The following PPP3CA variants were observed in gnomAD, a reference collection of about 807,000 sequenced individuals.
The protein encoded by PPP3CA is CAM-PRP catalytic subunit.
A neutral mutation model predicts 66.5 loss-of-function variants in PPP3CA; 14 were observed. The ratio of observed to expected loss-of-function variants is 0.21; its 90% CI spans 0.14 to 0.33. The LOEUF (loss-of-function observed/expected upper bound fraction) is 0.33. PPP3CA is among the 10% of genes least tolerant of loss of function. PPP3CA has a pLI of 1.00. For missense variants in PPP3CA, 317 were observed against 639.5 expected (o/e 0.50, Z 5.44); for synonymous variants, 232 against 226.2 (o/e 1.03, Z -0.23).
chr4:101,023,733 CTTTG>C lies in PPP3CA; in HGVS notation c.*2128_*2131del, dbSNP rs527760666. On this transcript the variant is annotated 3_prime_UTR_variant, in exon 14 of 14. Transcript: ENST00000394854. ...CTTTGCCAGACTGTATCGAGAACAT[CTTTG>C]TTTGGGTATGCTATATCGCTAATTG... The C allele has an allele frequency of 2.0e-4, 31 of 152,708 alleles. No homozygotes were observed. The East Asian group carries it at 2.7e-3, about 13-fold the overall frequency. The allele number at this position is 152,708 out of a possible 1,614,324, so 9.5% of individuals were successfully genotyped here.
At position 101,278,122 on chromosome 4, in the gene PPP3CA, T is replaced by TAAAAAAAAAAAAAAA. The variant is rs3077992; in HGVS notation, c.58+68602_58+68616dup. ...AAAATGAAACTTTAAAAGCTATTAG[T>TAAAAAAAAAAAAAAA]AAAAAAAAAAAAAAAAATAAAAAAA... On this transcript the variant is annotated intron_variant, in intron 1 of 13. Transcript: ENST00000394854. 1.1e-3 allele frequency among the ~76,000 whole-genome samples: 128 copies of TAAAAAAAAAAAAAAA among 112,056 alleles called. 3 individuals are homozygous for TAAAAAAAAAAAAAAA. The highest frequency in any genetic ancestry group is 3.6e-3 in the African/African-American group (82 of 22,604). 73.5% of individuals were successfully genotyped at this position (112,056 alleles called of 152,430 possible). A position where few individuals can be genotyped will look rare whatever the true frequency, so the allele number is the denominator to read the frequency against.
chr4:101,102,118 T>A (rs545849495), intron 3 of PPP3CA, among the ~76,000 whole-genome samples: 1 of 152,282 alleles, frequency 6.6e-6, no homozygotes, highest in Non-Finnish European at 1.5e-5. Flanking sequence ...ACCTTTTAAA[T>A]GATGCAACAT....
intron 2 of PPP3CA, among the ~76,000 whole-genome samples, chr4:101,171,609 G>C (rs1352802097): frequency 6.6e-6 from 1 of 152,064 alleles, no homozygotes; most frequent in Admixed American, 6.6e-5. Context: ...CTCATGTAAA[G>C]TCCCAAAGCC....
chr4:101,192,715 A>G (rs769003529), intron 2 of PPP3CA, among the ~76,000 whole-genome samples: 1 of 152,156 alleles, frequency 6.6e-6, no homozygotes, highest in African/African-American at 2.4e-5. Context: ...TAATCTGTCA[A>G]TACTTTCTTG....
chr4:101,324,108 G>GAAAGA (rs1452492024), intron 1 of PPP3CA, among the ~76,000 whole-genome samples: 9 of 142,928 alleles, frequency 6.3e-5, no homozygotes, highest in East Asian at 2.1e-4. Flanking sequence ...ACAAAAGAAA[G>GAAAGA]AAAGAAAAGA....
At chr4:101,274,221 T>C (rs181685017) in intron 1 of PPP3CA, among the ~76,000 whole-genome samples, 1 of 152,240 alleles carries the variant, frequency 6.6e-6, no homozygotes, top group Admixed American at 6.5e-5. Flanking sequence ...GGAGAATTAC[T>C]TGAACCCAGG....
intron 1 of PPP3CA, among the ~76,000 whole-genome samples, chr4:101,278,140 TAAA>T (rs1394423187): frequency 8.4e-6 from 1 of 118,736 alleles, no homozygotes; most frequent in Non-Finnish European, 1.8e-5. Flanking sequence ...AAAAAAAAAA[TAAA>T]AAAATTAAAA....
chr4:101,196,921 A>T (rs1724812778), intron 1 of PPP3CA, among the ~76,000 whole-genome samples: 1 of 152,182 alleles, frequency 6.6e-6, no homozygotes, highest in Admixed American at 6.5e-5. Flanking sequence ...GCCAGAGGAC[A>T]TTCACTAAAC....
chr4:101,306,192 G>C (rs1728530333), intron 1 of PPP3CA, among the ~76,000 whole-genome samples: 2 of 152,180 alleles, frequency 1.3e-5, no homozygotes, highest in Admixed American at 6.6e-5. Flanking sequence ...TTCTAAGTTA[G>C]TTGGCTGTCA....
chr4:101,068,620 G>A (rs982462514), intron 8 of PPP3CA, among the ~76,000 whole-genome samples: 15 of 151,942 alleles, frequency 9.9e-5, no homozygotes, highest in Non-Finnish European at 2.1e-4. Context: ...CTTTTCCGTA[G>A]TATATATTAT....
chr4:101,102,428 T>G (rs1213097267), intron 3 of PPP3CA, among the ~76,000 whole-genome samples: 2 of 152,218 alleles, frequency 1.3e-5, no homozygotes, highest in African/African-American at 4.8e-5. Flanking sequence ...TTTCACATTT[T>G]ATTTCCTTCT....
At chr4:101,140,029 A>G (rs1347092534) in intron 2 of PPP3CA, among the ~76,000 whole-genome samples, 2 of 152,162 alleles carry the variant, frequency 1.3e-5, no homozygotes, top group Non-Finnish European at 2.9e-5. Flanking sequence ...TTTCCCAACT[A>G]ATTCTGCATA....
At chr4:101,098,770 T>C (rs1730312753) in intron 4 of PPP3CA, among the ~76,000 whole-genome samples, 1 of 152,162 alleles carries the variant, frequency 6.6e-6, no homozygotes, top group African/African-American at 2.4e-5. Flanking sequence ...AGAATTTTTA[T>C]ATACATTCTG....
chr4:101,305,405 T>C (rs963019010), intron 1 of PPP3CA, among the ~76,000 whole-genome samples: 3 of 152,212 alleles, frequency 2.0e-5, no homozygotes, highest in African/African-American at 4.8e-5. Flanking sequence ...CCATAAATTA[T>C]TGTTTATGGA....
intron 1 of PPP3CA, among the ~76,000 whole-genome samples, chr4:101,248,267 T>C (rs985305185): frequency 2.0e-5 from 3 of 152,228 alleles, no homozygotes; most frequent in Non-Finnish European, 4.4e-5. Context: ...ACTTGAGTTT[T>C]AGAGCCAGAC....
chr4:101,327,834 T>C (rs1000090025), intron 1 of PPP3CA, among the ~76,000 whole-genome samples: 2 of 152,132 alleles, frequency 1.3e-5, no homozygotes, highest in Admixed American at 1.3e-4. Context: ...TTTCAATAAA[T>C]ATATATTAAC....
At chr4:101,152,370 A>G (rs1241122201) in intron 2 of PPP3CA, among the ~76,000 whole-genome samples, 1 of 152,236 alleles carries the variant, frequency 6.6e-6, no homozygotes, top group Non-Finnish European at 1.5e-5. Flanking sequence ...TAAGTAAAAT[A>G]ATACATCTAT....
intron 2 of PPP3CA, among the ~76,000 whole-genome samples, chr4:101,189,120 T>A (rs1189111428): frequency 6.6e-6 from 1 of 151,960 alleles, no homozygotes; most frequent in African/African-American, 2.4e-5. Context: ...ATCAATAAAA[T>A]CAACAAACTC....
chr4:101,090,144 T>C (rs144448798), intron 6 of PPP3CA, among the ~76,000 whole-genome samples: 1 of 152,302 alleles, frequency 6.6e-6, no homozygotes, highest in Non-Finnish European at 1.5e-5. Context: ...TCCCAGAGGA[T>C]GCCTTCATAC....
Sources: allele counts gnomAD v4.1 joint callset (sites outside exome capture counted in the v4.1 genomes callset), GRCh38; gene constraint gnomAD v4.1.1; transcripts MANE v1.5; gene names NCBI Gene and HGNC (gene_info 2026-07-23, HGNC 2026-07-21).